Variants in UNC13A observed in about 807,000 individuals in gnomAD.
The protein encoded by UNC13A is protein unc-13 homolog A.
UNC13A carries 61 observed loss-of-function variants against 219.7 expected under a neutral mutation model. That is an observed-to-expected ratio of 0.28 (90% confidence interval 0.23 to 0.34). UNC13A has a LOEUF of 0.34. UNC13A is among the 10% of genes least tolerant of loss of function. The pLI is 1.00. For missense variants in UNC13A, 1,476 were observed against 2,270.3 expected, an observed-to-expected ratio of 0.65 and a Z score of 7.11; for synonymous variants, 920 against 884.6, an observed-to-expected ratio of 1.04 and a Z score of -0.71.
At chr19:17,655,049 G>A (rs2079423132) in intron 11 of UNC13A, among the ~76,000 whole-genome samples, 1 of 152,206 alleles carries the variant, frequency 6.6e-6, no homozygotes, top group Non-Finnish European at 1.5e-5. Context: ...CGGTGACATT[G>A]GGTGAGGCCA....
intron 25 of UNC13A, among the ~76,000 whole-genome samples, chr19:17,637,407 C>T (rs1243506129): frequency 6.6e-6 from 1 of 152,042 alleles, no homozygotes; most frequent in African/African-American, 2.4e-5. Context: ...ACACCATTCT[C>T]CTGCCTCAGC....
At position 17,606,240 on chromosome 19, in the gene UNC13A, C is replaced by T. The variant is rs1400588930; in HGVS notation, c.4926G>A (p.Glu1642=). Residue 1642 remains glutamate (E), a synonymous_variant, in exon 44 of 44, where the codon GAG becomes GAA. Transcript: ENST00000519716. ...AGGCGGCGCTCCCGCGCTGGGCCAG[C>T]TCACGCAGCTGCAGCACGGCCAGCC... The part of the protein sequence containing the change: ...TVGLAVLQLR[E]LAQRGSAACW... 6.5e-7 allele frequency: 1 copy of T among 1,548,714 alleles called. No individual in the cohort carries two copies. Among genetic ancestry groups the T allele is most frequent in the Non-Finnish European group, 8.7e-7 (1 of 1,147,046 alleles).
At chr19:17,619,263 T>C (rs1003352722) in intron 38 of UNC13A, among the ~76,000 whole-genome samples, 1 of 151,764 alleles carries the variant, frequency 6.6e-6, no homozygotes, top group Admixed American at 6.6e-5. Context: ...CAGACGGTGG[T>C]GTTTGTGGGT....
rs772169921 is a variant in UNC13A at position 17,630,734 on chromosome 19, C to T, written c.3445G>A (p.Val1149Ile). 3.7e-6 allele frequency: 6 copies of T among 1,613,776 alleles called. No individual in the cohort carries two copies. The highest frequency in any genetic ancestry group is 1.3e-5 in the African/African-American group (1 of 75,016). The change falls in exon 29 of 44, where the codon GTC (valine) becomes ATC (isoleucine). Residue 1149 changes from valine to isoleucine, a missense_variant. Transcript: ENST00000519716. ...PEYPAWFEPF[V>I]IQWLDENEEV... ...TCATTCTCATCCAGCCACTGGATGA[C>T]GAAGGGTTCAAACCATCTGGAATGA...
rs891583728 is a variant in UNC13A, at chr19:17,604,273, T to C, written c.*1781A>G. ...AACAGCTCCTGGAGCTCCCCAACTG[T>C]CTTAGAATAAAAGTAAAACTCCTCA... On this transcript the variant is annotated 3_prime_UTR_variant, in exon 44 of 44. Transcript: ENST00000519716. 1 of 152,066 alleles carries C rather than the reference T, an allele frequency of 6.6e-6. No individual in the cohort carries two copies. The highest frequency in any genetic ancestry group is 1.5e-5 in the Non-Finnish European group (1 of 68,030). The allele number at this position is 152,066 out of a possible 1,614,324, so 9.4% of individuals were successfully genotyped here.
In UNC13A at chr19:17,649,624, C is replaced by T. The variant is rs760550995; in HGVS notation, c.1440-37G>A. 1 of 1,611,126 alleles carries T rather than the reference C, an allele frequency of 6.2e-7. No homozygotes were observed. The highest frequency in any genetic ancestry group is 1.1e-5 in the South Asian group (1 of 91,010). On this transcript the variant is annotated intron_variant, in intron 12 of 43. Transcript: ENST00000519716. This position sits in a 1 kb window ranked among gnomAD's most constrained non-coding sequence, Gnocchi z 4.4. ...AGAGGGACACTGAGGGCCCAGATGTCCCTATTCCTCACATAGAGCCCTGGG... is the reference window on the plus strand; with the variant it reads ...AGAGGGACACTGAGGGCCCAGATGTTCCTATTCCTCACATAGAGCCCTGGG...
intron 16 of UNC13A, 94 bp from the exon 17 acceptor site, chr19:17,647,586 G>T: frequency 1.6e-6 from 2 of 1,228,012 alleles, no homozygotes; most frequent in Non-Finnish European, 2.3e-6. Context: ...TCAACCGGGG[G>T]GACTCAGGTG....
chr19:17,666,199 T>TCTCTCTCTCTCTCTCTCTCTTTCTTTC (rs760106069), intron 7 of UNC13A, among the ~76,000 whole-genome samples: 3 of 144,060 alleles, frequency 2.1e-5, no homozygotes. Flanking sequence ...CTTTCTCTCT[T>TCTCTCTCTCTCTCTCTCTCTTTCTTTC]TCTTTCTCTT....
At chr19:17,643,219 C>T (rs933465106) in intron 19 of UNC13A, among the ~76,000 whole-genome samples, 3 of 152,104 alleles carry the variant, frequency 2.0e-5, no homozygotes, top group Non-Finnish European at 4.4e-5. Context: ...ACCATGTTGG[C>T]CAGGCTGGTC....
intron 41 of UNC13A, chr19:17,613,789 C>T (rs1210030829): frequency 6.8e-6 from 1 of 147,032 alleles, no homozygotes. Context: ...AATCTCGGCT[C>T]ACTGCAACCT....
Position 17,627,695 on chromosome 19 carries a change from G to A in UNC13A, c.3832-98C>T, listed in dbSNP as rs1422067340. On this transcript the variant is annotated intron_variant, in intron 32 of 43. Transcript: ENST00000519716. The surrounding 1 kb of genome is among the most constrained non-coding windows in gnomAD (Gnocchi z 4.7). Reference sequence around the variant, plus strand: ...CCAGGGAAAGGGATCCCAAGGGGCTGCAGGGGAAACTGAGGCACAGACCGT... The same window carrying A: ...CCAGGGAAAGGGATCCCAAGGGGCTACAGGGGAAACTGAGGCACAGACCGT... 7.8e-7 allele frequency: 1 copy of A among 1,277,036 alleles called. No individual in the cohort carries two copies. Among genetic ancestry groups the A allele is most frequent in the Non-Finnish European group, 1.1e-6 (1 of 903,996 alleles). The allele number at this position is 1,277,036 out of a possible 1,614,324, so 79.1% of individuals were successfully genotyped here. A position where few individuals can be genotyped will look rare whatever the true frequency, so the allele number is the denominator to read the frequency against.
In UNC13A at chr19:17,631,163, CTCCCTCCCTCCCTCCTTTCCTTCCT is replaced by C. The variant is rs1369327826; in HGVS notation, c.3429-438_3429-414del. The stretch of plus-strand genomic sequence containing the variant: ...CTCTGAGCTCTTGTTTTCTCCCTCC[CTCCCTCCCTCCCTCCTTTCCTTCCT>C]TCCCTCCCTCCCTCCCTTCCTTCCT... On this transcript the variant is annotated intron_variant, in intron 28 of 43. Coordinates refer to ENST00000519716, the MANE Select transcript of UNC13A (RefSeq NM_001080421.3). Among the ~76,000 whole-genome samples the C allele has an allele frequency of 1.2e-3, 29 of 24,500 alleles. 3 individuals carry two copies. The highest frequency in any genetic ancestry group is 7.3e-3 in the South Asian group (4 of 550). 16.1% of individuals were successfully genotyped at this position (24,500 alleles called of 152,430 possible). A position where few individuals can be genotyped will look rare whatever the true frequency, so the allele number is the denominator to read the frequency against.
At chr19:17,665,999 TCTC>T (rs749277877) in intron 7 of UNC13A, among the ~76,000 whole-genome samples, 617 of 29,288 alleles carry the variant, frequency 0.021, 91 homozygotes, top group Non-Finnish European at 0.027. Context: ...GTCTCAGAAC[TCTC>T]CTTCCTTCCT....
intron 1 of UNC13A, among the ~76,000 whole-genome samples, chr19:17,687,411 C>G (rs2080135369): frequency 6.6e-6 from 1 of 152,280 alleles, no homozygotes; most frequent in East Asian, 1.9e-4. Flanking sequence ...GAAGTAGGCT[C>G]CCTGCCGAGA....
At chr19:17,644,354 A>G (rs575108580) in intron 19 of UNC13A, among the ~76,000 whole-genome samples, 1 of 141,136 alleles carries the variant, frequency 7.1e-6, no homozygotes, top group Non-Finnish European at 1.6e-5. Context: ...ACACCCAGCT[A>G]TTTTTTTTTT....
At chr19:17,628,697 G>T (rs951176588) in intron 31 of UNC13A, among the ~76,000 whole-genome samples, 2 of 152,016 alleles carry the variant, frequency 1.3e-5, no homozygotes, top group Admixed American at 6.6e-5. Flanking sequence ...TAACACAGAT[G>T]AAACATGGCT....
chr19:17,611,492 T>C (rs889841536), intron 42 of UNC13A, among the ~76,000 whole-genome samples: 1 of 152,194 alleles, frequency 6.6e-6, no homozygotes, highest in Non-Finnish European at 1.5e-5. Flanking sequence ...TCTGTCTTAT[T>C]TAAGCCATGT....
chr19:17,673,475 C>A (rs1456126615), intron 3 of UNC13A, among the ~76,000 whole-genome samples: 1 of 151,742 alleles, frequency 6.6e-6, no homozygotes, highest in Non-Finnish European at 1.5e-5. Context: ...GGTGGATCAC[C>A]TGAGGTTAAA....
intron 1 of UNC13A, among the ~76,000 whole-genome samples, chr19:17,678,536 C>G (rs1352290346): frequency 6.6e-6 from 1 of 152,080 alleles, no homozygotes; most frequent in Non-Finnish European, 1.5e-5. Context: ...AAGTGAACCC[C>G]TCTCTCTGGG....
Sources: allele counts gnomAD v4.1 joint callset (sites outside exome capture counted in the v4.1 genomes callset), GRCh38; gene constraint gnomAD v4.1.1; non-coding constraint Gnocchi (gnomAD v3.1); transcripts MANE v1.5; gene names NCBI Gene and HGNC (gene_info 2026-07-23, HGNC 2026-07-21).